RALGAPB: variants seen among roughly 807,000 people sequenced by gnomAD.
RALGAPB encodes the protein ral GTPase-activating protein subunit beta.
In RALGAPB, 25 loss-of-function variants were observed where a neutral mutation model predicts 161.1. The ratio of observed to expected loss-of-function variants is 0.16; its 90% CI spans 0.11 to 0.22. RALGAPB has a LOEUF of 0.22. Ranked by LOEUF, RALGAPB falls within the 10% of genes least tolerant of loss-of-function variation. The pLI, the probability that RALGAPB is intolerant of heterozygous loss-of-function variation, is 1.00. For missense variants in RALGAPB, 1,391 were observed against 1,815.2 expected (o/e 0.77, Z 4.25); for synonymous variants, 629 against 626.1 (o/e 1.00, Z -0.07).
intron 21 of RALGAPB, among the ~76,000 whole-genome samples, chr20:38,553,332 A>G (rs1048299804): frequency 6.6e-5 from 10 of 152,170 alleles, no homozygotes; most frequent in Middle Eastern, 3.2e-3. Context: ...CAGTCATGTC[A>G]TCCATACAGA....
At chr20:38,504,949 G>A (rs1334507379) in intron 5 of RALGAPB, among the ~76,000 whole-genome samples, 1 of 152,180 alleles carries the variant, frequency 6.6e-6, no homozygotes, top group African/African-American at 2.4e-5. Context: ...AAGACTGCAG[G>A]GAAAAGGGAA....
chr20:38,497,142 C>T (rs1325676978), intron 3 of RALGAPB, among the ~76,000 whole-genome samples: 1 of 152,194 alleles, frequency 6.6e-6, no homozygotes, highest in Non-Finnish European at 1.5e-5. Context: ...TTCGAGTTCT[C>T]ATAGGAGTGG....
chr20:38,538,612 A>G (rs2086877998), intron 16 of RALGAPB, among the ~76,000 whole-genome samples: 1 of 152,222 alleles, frequency 6.6e-6, no homozygotes, highest in Admixed American at 6.5e-5. Flanking sequence ...AAAAGATTTG[A>G]ATAGATGTTT....
At chr20:38,476,700 A>G (rs1411098618) in intron 1 of RALGAPB, among the ~76,000 whole-genome samples, 1 of 152,254 alleles carries the variant, frequency 6.6e-6, no homozygotes, top group East Asian at 1.9e-4. Flanking sequence ...TGCATTTAAT[A>G]TACCTACTGA....
chr20:38,536,692 C>T lies in RALGAPB; in HGVS notation c.2379+1485C>T, dbSNP rs544817729. Among the ~76,000 whole-genome samples the T allele has an allele frequency of 1.4e-4, 22 of 152,140 alleles. No individual in the cohort carries two copies. The South Asian group carries it at 4.4e-3, about 30-fold the overall frequency. On this transcript the variant is annotated intron_variant, in intron 16 of 29. Transcript: ENST00000262879. ...CATATAATATATAATTGAGGAAATACGTAAAATATTTTGTGAACAAAGAGC... is the reference window on the plus strand; with the variant it reads ...CATATAATATATAATTGAGGAAATATGTAAAATATTTTGTGAACAAAGAGC...
rs1414836687 is a variant in RALGAPB at position 38,578,397 on chromosome 20, G to A, written c.*3430G>A. The A allele has an allele frequency of 6.6e-6, 1 of 152,436 alleles. No homozygotes were observed. Among genetic ancestry groups the A allele is most frequent in the African/African-American group, 2.4e-5 (1 of 41,392 alleles). 9.4% of individuals were successfully genotyped at this position (152,436 alleles called of 1,614,324 possible). A position where few individuals can be genotyped will look rare whatever the true frequency, so the allele number is the denominator to read the frequency against. On this transcript the variant is annotated 3_prime_UTR_variant, in exon 30 of 30. Transcript: ENST00000262879. The stretch of plus-strand genomic sequence containing the variant: ...ATGCTTTTCTTTTTTTAATGGTGAG[G>A]GAAAAGGTATAATTTGGGATTCCAC...
chr20:38,504,872 T>C (rs1453322630), intron 5 of RALGAPB, among the ~76,000 whole-genome samples: 1 of 151,984 alleles, frequency 6.6e-6, no homozygotes, highest in Non-Finnish European at 1.5e-5. Flanking sequence ...AAAACCACAA[T>C]GAGATACCAT....
chr20:38,500,719 A>G (rs1443254446), intron 5 of RALGAPB, among the ~76,000 whole-genome samples: 1 of 152,228 alleles, frequency 6.6e-6, no homozygotes, highest in African/African-American at 2.4e-5. Context: ...CTTGCACCAA[A>G]TGGTTAGCCA....
At position 38,541,027 on chromosome 20, in the gene RALGAPB, T is replaced by C. The variant is rs753482904; in HGVS notation, c.2563-14T>C. ...GGTGTGTTCTAAAAATTGATCTGCC[T>C]TTCCTGCTTTTAGGACTGCCTTAAG... On this transcript the variant is annotated splice_polypyrimidine_tract_variant and intron_variant, in intron 17 of 29. Coordinates refer to ENST00000262879, the MANE Select transcript of RALGAPB (RefSeq NM_020336.4). The C allele has an allele frequency of 6.2e-7, 1 of 1,612,284 alleles. No homozygotes were observed.
chr20:38,532,685 T>C (rs769237232), intron 14 of RALGAPB, 45 bp from the exon 15 acceptor site: 1 of 1,603,034 alleles, frequency 6.2e-7, no homozygotes, highest in Admixed American at 1.7e-5. Context: ...TTTATGCTTG[T>C]AAACTGTGAT....
At position 38,562,694 on chromosome 20, in the gene RALGAPB, C is replaced by G; in HGVS notation, c.3694C>G (p.Gln1232Glu). 2 of 1,595,832 alleles carry G rather than the reference C, an allele frequency of 1.3e-6. No homozygotes were observed. Among genetic ancestry groups the G allele is most frequent in the Non-Finnish European group, 1.7e-6 (2 of 1,174,320 alleles). Residue 1232 changes from glutamine (Q) to glutamate (E), a missense_variant, in exon 24 of 30, where the codon CAA (glutamine) becomes GAA (glutamate). Coordinates refer to ENST00000262879, the MANE Select transcript of RALGAPB (RefSeq NM_020336.4). ...NCCDDGEGSQ[Q>E]EVISSEDIGA... ...TTGTGATGATGGTGAAGGATCTCAA[C>G]AAGGTAAAACTCACAGTGTTTCAAA... is the stretch of plus-strand genomic sequence containing the variant.
intron 6 of RALGAPB, among the ~76,000 whole-genome samples, chr20:38,512,312 A>G (rs184057864): frequency 2.3e-4 from 35 of 152,362 alleles, no homozygotes; most frequent in Middle Eastern, 6.8e-3. Flanking sequence ...CTAATAATTC[A>G]TACTTGTTTT....
chr20:38,493,052 T>C lies in RALGAPB; in HGVS notation c.309T>C (p.Ser103=). 1 of 1,611,826 alleles carries C rather than the reference T, an allele frequency of 6.2e-7. No individual in the cohort carries two copies. The highest frequency in any genetic ancestry group is 2.2e-5 in the East Asian group (1 of 44,760). ...WIMALVLPKD[S]IPLPVIKEPN... ...TGGCTTTAGTGTTGCCAAAAGATTC[T>C]ATTCCATTGCCAGTTATTAAAGAGC... The change falls in exon 3 of 30, where the codon TCT becomes TCC. Residue 103 remains serine (S), a synonymous_variant. Transcript: ENST00000262879.
chr20:38,503,305 G>A (rs972939207), intron 5 of RALGAPB, among the ~76,000 whole-genome samples: 1 of 152,268 alleles, frequency 6.6e-6, no homozygotes, highest in Admixed American at 6.5e-5. Context: ...TGTATGAGGG[G>A]CCAGCACCTC....
intron 13 of RALGAPB, among the ~76,000 whole-genome samples, chr20:38,529,676 C>CA (rs374587199): frequency 4.6e-4 from 69 of 150,502 alleles, no homozygotes; most frequent in African/African-American, 1.6e-3. Context: ...ACTCAAAATA[C>CA]AAAAAAGAAA....
At chr20:38,570,699 A>G in intron 27 of RALGAPB, 70 bp from the exon 28 acceptor site, 2 of 1,009,592 alleles carry the variant, frequency 2.0e-6, no homozygotes, top group Non-Finnish European at 3.1e-6. Flanking sequence ...CGATTAGAAA[A>G]TTAGATTTCC....
rs76089461 is a variant in RALGAPB at position 38,562,759 on chromosome 20, T to C, written c.3697+62T>C. 2.3e-3 allele frequency: 3,316 copies of C among 1,469,724 alleles called. 43 individuals are homozygous for C. In the African/African-American group the frequency reaches 0.037, roughly 16 times the overall value. The allele number at this position is 1,469,724 out of a possible 1,614,324, so 91.0% of individuals were successfully genotyped here. The stretch of plus-strand genomic sequence containing the variant: ...TGTTTGTTAGTCTTGTTTTTTTTTT[T>C]CCCCCTTTACTGTGATTTATAGTCT... On this transcript the variant is annotated intron_variant, in intron 24 of 29. Coordinates refer to ENST00000262879, the MANE Select transcript of RALGAPB (RefSeq NM_020336.4).
At chr20:38,527,020 G>A (rs866026555) in intron 13 of RALGAPB, among the ~76,000 whole-genome samples, 1 of 152,136 alleles carries the variant, frequency 6.6e-6, no homozygotes, top group Admixed American at 6.5e-5. Flanking sequence ...CCTAACAGGA[G>A]TCCCCACTGA....
intron 16 of RALGAPB, 105 bp downstream of exon 16, chr20:38,535,312 C>G: frequency 7.6e-7 from 1 of 1,322,968 alleles, no homozygotes; most frequent in South Asian, 1.4e-5. Context: ...TGATCATGCT[C>G]AAACATAGTT....
Sources: allele counts gnomAD v4.1 joint callset (sites outside exome capture counted in the v4.1 genomes callset), GRCh38; gene constraint gnomAD v4.1.1; transcripts MANE v1.5; gene names NCBI Gene and HGNC (gene_info 2026-07-23, HGNC 2026-07-21).